Variants in ADK observed in about 807,000 individuals in gnomAD.
The protein encoded by ADK is adenosine kinase.
A neutral mutation model predicts 44.7 loss-of-function variants in ADK; 24 were observed. The observed-to-expected ratio is 0.54, with a 90% CI of 0.39 to 0.76. ADK has a LOEUF of 0.76. Among genes scored for constraint, ADK ranks in the 30% least tolerant of loss-of-function variants. The probability of loss-of-function intolerance (pLI) is 0.00; values close to 1 mark genes in which losing one functional copy is unlikely to be tolerated. For missense variants in ADK, 321 were observed against 425.1 expected, an observed-to-expected ratio of 0.76 and a Z score of 2.15; for synonymous variants, 128 against 142.6, an observed-to-expected ratio of 0.90 and a Z score of 0.73.
intron 2 of ADK, among the ~76,000 whole-genome samples, chr10:74,215,248 A>G (rs1427031074): frequency 6.6e-6 from 1 of 152,242 alleles, no homozygotes; most frequent in Non-Finnish European, 1.5e-5. Context: ...CCATTAGAAA[A>G]CAAAACATCC....
At chr10:74,198,218 C>T (rs1418775503) in intron 1 of ADK, among the ~76,000 whole-genome samples, 2 of 152,110 alleles carry the variant, frequency 1.3e-5, no homozygotes, top group African/African-American at 4.8e-5. Flanking sequence ...TTAGATTTTA[C>T]TGTATTTGTC....
At chr10:74,512,906 TTGA>T (rs1848400615) in intron 6 of ADK, among the ~76,000 whole-genome samples, 1 of 152,078 alleles carries the variant, frequency 6.6e-6, no homozygotes, top group Admixed American at 6.5e-5. Flanking sequence ...TCCTATAAAC[TTGA>T]CTCTGAATAC....
rs546670216 is a variant in ADK at position 74,301,027 on chromosome 10, C to G, written c.195-13640C>G. 2.6e-5 allele frequency among the ~76,000 whole-genome samples: 4 copies of G among 152,048 alleles called. No individual in the cohort carries two copies. In the South Asian group the frequency reaches 8.3e-4, roughly 32 times the overall value. On this transcript the variant is annotated intron_variant, in intron 3 of 10. Coordinates refer to ENST00000539909, the MANE Select transcript of ADK (RefSeq NM_006721.4). The stretch of plus-strand genomic sequence containing the variant: ...AATCTACATGCTAAAGGGGAAATAT[C>G]AAGAAAAAGCTCTGATAGAATTCTA...
intron 9 of ADK, among the ~76,000 whole-genome samples, chr10:74,626,695 T>C (rs1219997478): frequency 6.6e-6 from 1 of 152,234 alleles, no homozygotes; most frequent in Non-Finnish European, 1.5e-5. Context: ...ATGGAACATT[T>C]TTCCTTCAGT....
intron 9 of ADK, among the ~76,000 whole-genome samples, chr10:74,620,627 A>G (rs1294461890): frequency 6.6e-6 from 1 of 152,168 alleles, no homozygotes; most frequent in Non-Finnish European, 1.5e-5. Context: ...CCTTTGGAGA[A>G]ATACCCAATA....
At chr10:74,564,590 A>AT (rs1159839711) in intron 7 of ADK, among the ~76,000 whole-genome samples, 1 of 151,872 alleles carries the variant, frequency 6.6e-6, no homozygotes, top group African/African-American at 2.4e-5. Flanking sequence ...TTTGATATTT[A>AT]TTTTTTAACG....
intron 4 of ADK, among the ~76,000 whole-genome samples, chr10:74,392,952 G>A (rs1843387793): frequency 6.6e-6 from 1 of 151,816 alleles, no homozygotes; most frequent in Admixed American, 6.6e-5. Context: ...TAATTTAATC[G>A]ACTGATCTTC....
chr10:74,659,309 A>T (rs557474621), intron 9 of ADK, among the ~76,000 whole-genome samples: 1 of 152,280 alleles, frequency 6.6e-6, no homozygotes, highest in African/African-American at 2.4e-5. Flanking sequence ...TTTCTTGGTC[A>T]TTTTTCCATG....
At chr10:74,531,414 C>G (rs1210160779) in intron 7 of ADK, among the ~76,000 whole-genome samples, 1 of 152,100 alleles carries the variant, frequency 6.6e-6, no homozygotes, top group East Asian at 1.9e-4. Flanking sequence ...CTAAATCATA[C>G]TCAAGAAGAA....
At chr10:74,575,607 A>G (rs1851156353) in intron 7 of ADK, among the ~76,000 whole-genome samples, 1 of 152,210 alleles carries the variant, frequency 6.6e-6, no homozygotes, top group Non-Finnish European at 1.5e-5. Context: ...GAGAATAGCA[A>G]GTATTCTAGT....
intron 7 of ADK, among the ~76,000 whole-genome samples, chr10:74,534,053 A>G (rs1245200081): frequency 2.6e-5 from 4 of 152,216 alleles, no homozygotes; most frequent in Non-Finnish European, 5.9e-5. Flanking sequence ...GATTCTATTT[A>G]TATTCTAGAA....
chr10:74,679,820 G>A (rs1425838909), intron 10 of ADK, among the ~76,000 whole-genome samples: 2 of 151,842 alleles, frequency 1.3e-5, no homozygotes, highest in African/African-American at 2.4e-5. Flanking sequence ...AATTAGCAAG[G>A]TGTGGTGGTG....
intron 4 of ADK, among the ~76,000 whole-genome samples, chr10:74,366,373 G>A (rs1355041144): frequency 6.6e-6 from 1 of 152,092 alleles, no homozygotes; most frequent in Non-Finnish European, 1.5e-5. Flanking sequence ...CAATTAAGTA[G>A]CCTTCATTGG....
chr10:74,227,911 G>A (rs1844606828), intron 3 of ADK, among the ~76,000 whole-genome samples: 1 of 152,218 alleles, frequency 6.6e-6, no homozygotes, highest in Middle Eastern at 3.4e-3. Context: ...TCAGGAAGCT[G>A]AGGCAGGTAG....
intron 4 of ADK, among the ~76,000 whole-genome samples, chr10:74,367,206 A>C (rs1165032386): frequency 1.3e-5 from 2 of 152,222 alleles, no homozygotes; most frequent in African/African-American, 4.8e-5. Flanking sequence ...AATGTATAGC[A>C]GTGACTATTT....
At chr10:74,207,301 C>A (rs768096817) in intron 2 of ADK, among the ~76,000 whole-genome samples, 3 of 152,196 alleles carry the variant, frequency 2.0e-5, no homozygotes, top group Non-Finnish European at 4.4e-5. Flanking sequence ...TAGGTCTGGG[C>A]TCTCAGAAGG....
chr10:74,554,219 T>C (rs1376806446), intron 7 of ADK, among the ~76,000 whole-genome samples: 1 of 152,170 alleles, frequency 6.6e-6, no homozygotes, highest in Admixed American at 6.5e-5. Flanking sequence ...CTTTTTTTAT[T>C]ATGAAATATT....
At chr10:74,178,462 T>C (rs533321075) in intron 1 of ADK, among the ~76,000 whole-genome samples, 3 of 152,342 alleles carry the variant, frequency 2.0e-5, no homozygotes, top group South Asian at 4.1e-4. Flanking sequence ...CCACTCTTAT[T>C]ATCACAGAAT....
chr10:74,367,140 A>G (rs1037991640), intron 4 of ADK, among the ~76,000 whole-genome samples: 5 of 152,184 alleles, frequency 3.3e-5, no homozygotes, highest in African/African-American at 1.2e-4. Context: ...TCCTCCATGA[A>G]ACCAGCTTTA....
Sources: gnomAD v4.1 joint callset for allele counts (sites outside exome capture counted in the v4.1 genomes callset) on GRCh38, gnomAD v4.1.1 for gene constraint, MANE v1.5 for transcripts, NCBI Gene and HGNC (gene_info 2026-07-23, HGNC 2026-07-21) for gene names.